Variants in PRPSAP2 observed in about 807,000 individuals in gnomAD.
PRPSAP2 encodes the protein phosphoribosyl pyrophosphate synthase-associated protein 2.
Under a neutral mutation model 40.6 loss-of-function variants are expected in PRPSAP2, and 24 were observed. The ratio of observed to expected loss-of-function variants is 0.59; its 90% CI spans 0.43 to 0.83. The LOEUF is 0.83. Ranked by LOEUF, PRPSAP2 falls within the 40% of genes least tolerant of loss-of-function variation. The pLI is 0.00. For synonymous variants in PRPSAP2, 149 were observed against 164.7 expected (o/e 0.90, Z 0.73); for missense variants, 292 against 465.6 (o/e 0.63, Z 3.43).
Position 18,928,893 on chromosome 17 carries a change from TG to T in PRPSAP2, c.889del (p.Ala297GlnfsTer47). On this transcript the variant is annotated frameshift_variant, in exon 11 of 12. Coordinates refer to ENST00000268835, the MANE Select transcript of PRPSAP2 (RefSeq NM_002767.4). LOFTEE classifies it high-confidence loss of function. ...AGAGGTGCATATAAGATCTTTGTGA[TG>T]GCAACTCATGGCTTGTTGTCTTCTG... ...KERGAYKIFVMATHGLLSSDA... is the reference protein window; with the variant it reads ...KERGAYKIFVXATHGLLSSDA... 1 of 1,614,172 alleles carries T rather than the reference TG, an allele frequency of 6.2e-7. No individual in the cohort carries two copies. Among genetic ancestry groups the T allele is most frequent in the South Asian group, 1.1e-5 (1 of 91,088 alleles).
intron 8 of PRPSAP2, among the ~76,000 whole-genome samples, chr17:18,900,502 CTT>C (rs1200336556): frequency 6.6e-6 from 1 of 152,034 alleles, no homozygotes; most frequent in Admixed American, 6.6e-5. Context: ...TGTTAATTGT[CTT>C]TTTTCATTCA....
chr17:18,865,230 G>A lies in PRPSAP2; in HGVS notation c.-128-239G>A, dbSNP rs141468534. On this transcript the variant is annotated intron_variant, in intron 1 of 11. Coordinates refer to ENST00000268835, the MANE Select transcript of PRPSAP2 (RefSeq NM_002767.4). Reference sequence around the variant, plus strand: ...TGTGACCAAAACTGTCATTTGGGTGGTCGCTTAAGTGTCCTTCAAGGTGAT... The same window carrying A: ...TGTGACCAAAACTGTCATTTGGGTGATCGCTTAAGTGTCCTTCAAGGTGAT... 1.3e-4 allele frequency among the ~76,000 whole-genome samples: 20 copies of A among 152,216 alleles called. No homozygotes were observed. In the East Asian group the frequency reaches 3.9e-3, roughly 29 times the overall value.
At chr17:18,921,666 G>A (rs2041697498) in intron 9 of PRPSAP2, among the ~76,000 whole-genome samples, 1 of 152,170 alleles carries the variant, frequency 6.6e-6, no homozygotes, top group African/African-American at 2.4e-5. Context: ...CTGGCATCTA[G>A]TGAGTAGAGG....
intron 7 of PRPSAP2, among the ~76,000 whole-genome samples, chr17:18,889,401 A>C (rs1469234884): frequency 6.6e-6 from 1 of 152,218 alleles, no homozygotes; most frequent in Non-Finnish European, 1.5e-5. Flanking sequence ...TGGTTGCTTC[A>C]ACATGTTATG....
At chr17:18,929,189 T>C (rs2042127626) in intron 11 of PRPSAP2, among the ~76,000 whole-genome samples, 1 of 152,020 alleles carries the variant, frequency 6.6e-6, no homozygotes, top group African/African-American at 2.4e-5. Context: ...AAACCCCGTC[T>C]CTACTAAAAA....
At chr17:18,873,191 C>CTT (rs34126027) in intron 5 of PRPSAP2, among the ~76,000 whole-genome samples, 17,447 of 108,062 alleles carry the variant, frequency 0.16, 1,890 homozygotes, top group Middle Eastern at 0.22. Flanking sequence ...AGTAGAGGCT[C>CTT]TTTTTTTTTT....
intron 8 of PRPSAP2, among the ~76,000 whole-genome samples, chr17:18,907,395 G>C (rs560955615): frequency 2.0e-5 from 3 of 152,288 alleles, no homozygotes; most frequent in African/African-American, 7.2e-5. Flanking sequence ...GTGTTTCAAA[G>C]TATATGAAGC....
At chr17:18,891,964 C>T (rs2039572007) in intron 8 of PRPSAP2, among the ~76,000 whole-genome samples, 1 of 152,244 alleles carries the variant, frequency 6.6e-6, no homozygotes, top group Admixed American at 6.5e-5. Flanking sequence ...TCAAGCAATT[C>T]TCCTGCCTCA....
At chr17:18,922,668 A>ATTTTTTTTTTTTTTT (rs57263191) in intron 9 of PRPSAP2, among the ~76,000 whole-genome samples, 1 of 89,840 alleles carries the variant, frequency 1.1e-5, no homozygotes, top group African/African-American at 4.5e-5. Flanking sequence ...TATATATATA[A>ATTTTTTTTTTTTTTT]TTTTTTTTTT....
intron 8 of PRPSAP2, among the ~76,000 whole-genome samples, chr17:18,905,818 G>A (rs1433686162): frequency 6.6e-6 from 1 of 152,126 alleles, no homozygotes; most frequent in African/African-American, 2.4e-5. Context: ...CCCAGCCTCA[G>A]GTGATCTGCC....
chr17:18,859,471 C>T (rs563805955), intron 1 of PRPSAP2: 1 of 152,320 alleles, frequency 6.6e-6, no homozygotes, highest in South Asian at 2.1e-4. Flanking sequence ...GCTTTGCAGC[C>T]TTGAGTAAGT....
chr17:18,865,814 G>T lies in PRPSAP2; in HGVS notation c.-20G>T. ...TATATCCTTCTAGGCTCTGAAAATTGGAAAACCAAGAAGGTTTTGATGTTT... is the reference window on the plus strand; with the variant it reads ...TATATCCTTCTAGGCTCTGAAAATTTGAAAACCAAGAAGGTTTTGATGTTT... On this transcript the variant is annotated 5_prime_UTR_variant, in exon 3 of 12. Coordinates refer to ENST00000268835, the MANE Select transcript of PRPSAP2 (RefSeq NM_002767.4). The T allele has an allele frequency of 6.9e-7, 1 of 1,452,710 alleles. No individual in the cohort carries two copies. Among genetic ancestry groups the T allele is most frequent in the East Asian group, 2.5e-5 (1 of 39,890 alleles). 90.0% of individuals were successfully genotyped at this position (1,452,710 alleles called of 1,614,324 possible).
intron 7 of PRPSAP2, among the ~76,000 whole-genome samples, chr17:18,884,905 A>G (rs7221778): frequency 0.092 from 14,066 of 152,210 alleles, 750 homozygotes; most frequent in Middle Eastern, 0.14. Flanking sequence ...TTGTGTGCCA[A>G]TGTCTCAAGG....
At chr17:18,883,403 C>CTTT (rs3043912) in intron 7 of PRPSAP2, among the ~76,000 whole-genome samples, 2,191 of 134,180 alleles carry the variant, frequency 0.016, 66 homozygotes, top group African/African-American at 0.051. Context: ...GTTTTTCTTT[C>CTTT]TTTTTTTTTT....
intron 5 of PRPSAP2, among the ~76,000 whole-genome samples, chr17:18,874,120 G>A (rs2038100187): frequency 6.6e-6 from 1 of 151,972 alleles, no homozygotes; most frequent in African/African-American, 2.4e-5. Context: ...TGCCCAGCTG[G>A]TCTCAAACTT....
chr17:18,892,741 A>ATTTTTT (rs1252254393), intron 8 of PRPSAP2, among the ~76,000 whole-genome samples: 3 of 69,646 alleles, frequency 4.3e-5, no homozygotes, highest in African/African-American at 1.0e-4. Flanking sequence ...TTATTTATTT[A>ATTTTTT]TTTATTTTTT....
chr17:18,926,546 C>T lies in PRPSAP2; in HGVS notation c.805-2265C>T, dbSNP rs531178833. ...CCTCCCAAAGTGCTGGGATTACAGGCGCAAGCCACTGCACCCAGCCGCCAG... is the reference window on the plus strand; with the variant it reads ...CCTCCCAAAGTGCTGGGATTACAGGTGCAAGCCACTGCACCCAGCCGCCAG... On this transcript the variant is annotated intron_variant, in intron 10 of 11. Transcript: ENST00000268835. Among the ~76,000 whole-genome samples the T allele has an allele frequency of 1.2e-3, 182 of 152,200 alleles. 1 individual carries two copies. Among genetic ancestry groups the T allele is most frequent in the African/African-American group, 3.6e-3 (151 of 41,528 alleles).
chr17:18,918,459 T>C lies in PRPSAP2; in HGVS notation c.734-5455T>C, dbSNP rs569127406. On this transcript the variant is annotated intron_variant, in intron 9 of 11. Coordinates refer to ENST00000268835, the MANE Select transcript of PRPSAP2 (RefSeq NM_002767.4). Reference sequence around the variant, plus strand: ...TGGTGTGGCCAGGAAGACACTAGCCTGACTACCAGGAGGCCCCTGGAGGGA... The same window carrying C: ...TGGTGTGGCCAGGAAGACACTAGCCCGACTACCAGGAGGCCCCTGGAGGGA... 3.1e-4 allele frequency among the ~76,000 whole-genome samples: 47 copies of C among 152,288 alleles called. 1 individual carries two copies. The South Asian group carries it at 7.0e-3, about 23-fold the overall frequency.
At chr17:18,889,794 G>C in intron 7 of PRPSAP2, 28 bp from the exon 8 acceptor site, 1 of 1,572,520 alleles carries the variant, frequency 6.4e-7, no homozygotes, top group Non-Finnish European at 8.7e-7. Context: ...TTGACATGCA[G>C]TAATACCTGA....
Sources: gnomAD v4.1 joint callset for allele counts (sites outside exome capture counted in the v4.1 genomes callset) on GRCh38, gnomAD v4.1.1 for gene constraint, MANE v1.5 for transcripts, NCBI Gene and HGNC (gene_info 2026-07-23, HGNC 2026-07-21) for gene names.